Variants in DOCK8 observed in about 807,000 individuals in gnomAD.
DOCK8 encodes the protein dedicator of cytokinesis protein 8.
Under a neutral mutation model 245.6 loss-of-function variants are expected in DOCK8, and 141 were observed. The ratio of observed to expected loss-of-function variants is 0.57; its 90% CI spans 0.50 to 0.66. The LOEUF (loss-of-function observed/expected upper bound fraction) is 0.66, where lower values mean the gene tolerates loss of function less well. Ranked by LOEUF, DOCK8 falls within the 30% of genes least tolerant of loss-of-function variation. DOCK8 has a pLI of 0.00. For synonymous variants in DOCK8, 1,168 were observed against 970.2 expected, an observed-to-expected ratio of 1.20 and a Z score of -3.79; for missense variants, 2,965 against 2,603.4, an observed-to-expected ratio of 1.14 and a Z score of -3.02.
chr9:431,208 T>G (rs1349106843), intron 36 of DOCK8, among the ~76,000 whole-genome samples: 2 of 152,186 alleles, frequency 1.3e-5, no homozygotes, highest in Non-Finnish European at 2.9e-5. Context: ...ACGAAGACTT[T>G]GGAGTTCAGC....
At chr9:230,610 GTA>G (rs771622623) in intron 1 of DOCK8, among the ~76,000 whole-genome samples, 29 of 151,920 alleles carry the variant, frequency 1.9e-4, no homozygotes, top group Non-Finnish European at 3.4e-4. Context: ...GTGTGAGATG[GTA>G]TCTCATTGTG....
intron 1 of DOCK8, among the ~76,000 whole-genome samples, chr9:248,591 TTCTC>T (rs1372300444): frequency 2.0e-5 from 3 of 151,092 alleles, no homozygotes; most frequent in Non-Finnish European, 3.0e-5. Context: ...CTGTCTTTCT[TTCTC>T]TCTTTCTTTC....
chr9:319,126 C>T (rs1444186798), intron 7 of DOCK8, among the ~76,000 whole-genome samples: 6 of 151,318 alleles, frequency 4.0e-5, no homozygotes, highest in Non-Finnish European at 5.9e-5. Context: ...GTGAGACCCC[C>T]TCTCTACCAA....
chr9:341,917 A>G (rs2051614736), intron 14 of DOCK8, among the ~76,000 whole-genome samples: 3 of 152,182 alleles, frequency 2.0e-5, no homozygotes, highest in South Asian at 2.1e-4. Flanking sequence ...AACTGCATAT[A>G]TGAGGCATCT....
chr9:417,875 A>G (rs896761078), intron 29 of DOCK8, among the ~76,000 whole-genome samples, 193 bp from the exon 30 acceptor site: 8 of 152,234 alleles, frequency 5.3e-5, no homozygotes, highest in Non-Finnish European at 7.3e-5. Flanking sequence ...TTTCTAGCCT[A>G]ATCTTGTGCT....
At chr9:360,614 T>G (rs1184751350) in intron 14 of DOCK8, among the ~76,000 whole-genome samples, 1 of 152,212 alleles carries the variant, frequency 6.6e-6, no homozygotes, top group East Asian at 1.9e-4. Context: ...AATTAAAAAT[T>G]TATTGATTTC....
chr9:298,008 C>T (rs2049338499), intron 4 of DOCK8, among the ~76,000 whole-genome samples: 1 of 152,166 alleles, frequency 6.6e-6, no homozygotes. Context: ...GAAAAACTCC[C>T]ACAAACACTC....
At chr9:215,219 T>C in intron 1 of DOCK8, 190 bp downstream of exon 1, 3 of 1,544,576 alleles carry the variant, frequency 1.9e-6, no homozygotes, top group Non-Finnish European at 2.6e-6. Flanking sequence ...GCTCCTGCGC[T>C]GGGCCCGGCG....
chr9:368,481 T>C (rs2053121665), intron 15 of DOCK8: 5 of 596,736 alleles, frequency 8.4e-6, no homozygotes, highest in Non-Finnish European at 1.5e-5. Context: ...TTGCTGAGTG[T>C]CTTCCATGCA....
intron 4 of DOCK8, among the ~76,000 whole-genome samples, chr9:299,873 T>G (rs1172828179): frequency 3.3e-5 from 5 of 152,002 alleles, no homozygotes; most frequent in African/African-American, 1.2e-4. Flanking sequence ...TACAAAAAAA[T>G]TAGCTGGCTG....
chr9:362,374 A>G (rs73641528), intron 14 of DOCK8, among the ~76,000 whole-genome samples: 9,699 of 152,164 alleles, frequency 0.064, 520 homozygotes, highest in African/African-American at 0.14. Flanking sequence ...GGCCAACTCA[A>G]ATGATCAGTA....
At chr9:419,818 G>A (rs553802359) in intron 30 of DOCK8, among the ~76,000 whole-genome samples, 1 of 152,102 alleles carries the variant, frequency 6.6e-6, no homozygotes, top group Non-Finnish European at 1.5e-5. Flanking sequence ...CCAGCCCCAG[G>A]CAAACATAAA....
At chr9:217,728 A>G (rs937548313) in intron 1 of DOCK8, among the ~76,000 whole-genome samples, 1 of 152,256 alleles carries the variant, frequency 6.6e-6, no homozygotes, top group Non-Finnish European at 1.5e-5. Context: ...TGTCCCAGAC[A>G]CTATATTATA....
chr9:365,785 GC>G (rs1370604086), intron 14 of DOCK8: 1 of 388,746 alleles, frequency 2.6e-6, no homozygotes, highest in Non-Finnish European at 5.0e-6. Flanking sequence ...CATTAGCTCT[GC>G]TTATTTGATT....
intron 9 of DOCK8, among the ~76,000 whole-genome samples, chr9:330,804 C>T (rs531149590): frequency 6.6e-6 from 1 of 152,288 alleles, no homozygotes; most frequent in South Asian, 2.1e-4. Flanking sequence ...CATTTCATTA[C>T]ACACTTTTGC....
intron 25 of DOCK8, among the ~76,000 whole-genome samples, chr9:397,473 G>C (rs1278769240): frequency 2.0e-5 from 3 of 152,076 alleles, no homozygotes; most frequent in Admixed American, 1.3e-4. Flanking sequence ...CAGATCACTT[G>C]AGGTCAGGCA....
At chr9:248,961 T>C (rs1390600747) in intron 1 of DOCK8, among the ~76,000 whole-genome samples, 1 of 152,176 alleles carries the variant, frequency 6.6e-6, no homozygotes, top group Non-Finnish European at 1.5e-5. Flanking sequence ...AGGGCAAAAA[T>C]GACTGCACAC....
chr9:407,896 T>G (rs1485417828), intron 28 of DOCK8, among the ~76,000 whole-genome samples: 1 of 152,050 alleles, frequency 6.6e-6, no homozygotes, highest in Non-Finnish European at 1.5e-5. Flanking sequence ...CAAAGATGAT[T>G]AGGATTGCAA....
At chr9:305,261 A>G (rs1460236867) in intron 5 of DOCK8, among the ~76,000 whole-genome samples, 1 of 151,836 alleles carries the variant, frequency 6.6e-6, no homozygotes, top group Non-Finnish European at 1.5e-5. Context: ...GGTCACTGTT[A>G]TTGTTATTGT....
Sources: allele counts gnomAD v4.1 joint callset (sites outside exome capture counted in the v4.1 genomes callset), GRCh38; gene constraint gnomAD v4.1.1; transcripts MANE v1.5; gene names NCBI Gene and HGNC (gene_info 2026-07-23, HGNC 2026-07-21).